Variants in KDM4C observed in about 807,000 individuals in gnomAD.
The protein encoded by KDM4C is lysine demethylase 4C, also known as lysine-specific demethylase 4C.
Under a neutral mutation model 129.3 loss-of-function variants are expected in KDM4C, and 81 were observed. That is an observed-to-expected ratio of 0.63 (90% CI 0.52 to 0.75). The LOEUF (loss-of-function observed/expected upper bound fraction) is 0.75. KDM4C is among the 30% of genes least tolerant of loss of function. The probability of loss-of-function intolerance (pLI) is 0.00; values close to 1 mark genes in which losing one functional copy is unlikely to be tolerated. For synonymous variants in KDM4C, 573 were observed against 456.1 expected (o/e 1.26, Z -3.26); for missense variants, 1,457 against 1,304.0 (o/e 1.12, Z -1.81).
chr9:7,120,186 A>G (rs776853454), intron 18 of KDM4C, among the ~76,000 whole-genome samples: 20 of 152,032 alleles, frequency 1.3e-4, no homozygotes, highest in South Asian at 4.1e-4. Flanking sequence ...GATTTTCTCA[A>G]TGCTAACTTT....
intron 17 of KDM4C, among the ~76,000 whole-genome samples, chr9:7,065,136 A>G (rs542690766): frequency 6.6e-6 from 1 of 152,312 alleles, no homozygotes; most frequent in South Asian, 2.1e-4. Context: ...TAAGAACTAC[A>G]CAGAATTTTG....
intron 5 of KDM4C, among the ~76,000 whole-genome samples, chr9:6,873,919 AGAGAGAGAGAGTGAGAGAGAGC>A (rs560929823): frequency 0.028 from 4,114 of 145,086 alleles, 85 homozygotes; most frequent in African/African-American, 0.052. Flanking sequence ...AGAGAGCGAG[AGAGAGAGAGAGTGAGAGAGAGC>A]GAGAGAGAGA....
At chr9:6,782,300 G>A (rs1453409924) in intron 1 of KDM4C, among the ~76,000 whole-genome samples, 1 of 152,180 alleles carries the variant, frequency 6.6e-6, no homozygotes, top group African/African-American at 2.4e-5. Flanking sequence ...TGAAAGATGA[G>A]TTTTGCCAGA....
At chr9:7,159,567 A>G (rs1039587843) in intron 19 of KDM4C, among the ~76,000 whole-genome samples, 4 of 152,104 alleles carry the variant, frequency 2.6e-5, no homozygotes, top group Non-Finnish European at 5.9e-5. Flanking sequence ...TCTGTAAAGG[A>G]TTTTATTTCT....
chr9:6,835,209 GC>G (rs1329259650), intron 4 of KDM4C: 1 of 918,298 alleles, frequency 1.1e-6, no homozygotes, highest in East Asian at 2.4e-5. Context: ...TCGGCAACGA[GC>G]AGTTCTGCTG....
chr9:6,790,654 CAAAAAAA>C (rs1186296239), intron 1 of KDM4C, among the ~76,000 whole-genome samples: 1,146 of 65,262 alleles, frequency 0.018, 11 homozygotes, highest in Middle Eastern at 0.03. Context: ...TTAAATTCAG[CAAAAAAA>C]AAAAAAAAAA....
chr9:7,106,704 A>C (rs1837731621), intron 18 of KDM4C, among the ~76,000 whole-genome samples: 1 of 152,188 alleles, frequency 6.6e-6, no homozygotes, highest in Non-Finnish European at 1.5e-5. Context: ...TATGTTGTAC[A>C]GGCTGGTCTC....
At chr9:6,906,025 C>T (rs937499385) in intron 8 of KDM4C, among the ~76,000 whole-genome samples, 3 of 151,958 alleles carry the variant, frequency 2.0e-5, no homozygotes, top group Admixed American at 6.5e-5. Context: ...GAGTAAGTGA[C>T]GCATAGCTAC....
intron 1 of KDM4C, among the ~76,000 whole-genome samples, chr9:6,771,858 A>G (rs1821913219): frequency 6.6e-6 from 1 of 151,982 alleles, no homozygotes; most frequent in Non-Finnish European, 1.5e-5. Flanking sequence ...CCTGCATGGT[A>G]GTTGCCAGGA....
rs749924380 is a variant in KDM4C, at chr9:7,174,740, T to C, written c.*11T>C. On this transcript the variant is annotated 3_prime_UTR_variant, in exon 22 of 22. Coordinates refer to ENST00000381309, the MANE Select transcript of KDM4C (RefSeq NM_015061.6). ...CAGAAGAGACAGTAGTCTGCATACA[T>C]CGCTGCAGGCCACAGAGCAGCTTGG... 3.1e-6 allele frequency: 5 copies of C among 1,611,792 alleles called. No homozygotes were observed. Among genetic ancestry groups the C allele is most frequent in the Non-Finnish European group, 4.2e-6 (5 of 1,178,174 alleles).
intron 5 of KDM4C, among the ~76,000 whole-genome samples, chr9:6,864,738 A>G (rs1054595671): frequency 1.3e-5 from 2 of 151,604 alleles, no homozygotes; most frequent in Non-Finnish European, 1.5e-5. Flanking sequence ...GCTCTTGCTC[A>G]GTTCCCCCTT....
chr9:7,117,357 A>G (rs1350346916), intron 18 of KDM4C, among the ~76,000 whole-genome samples: 1 of 152,100 alleles, frequency 6.6e-6, no homozygotes, highest in Non-Finnish European at 1.5e-5. Context: ...TAACCCATTC[A>G]CCAACTGTAA....
Position 6,790,564 on chromosome 9 carries a change from G to T in KDM4C, c.-17-2408G>T, listed in dbSNP as rs1008448293. On this transcript the variant is annotated intron_variant, in intron 1 of 21. Coordinates refer to ENST00000381309, the MANE Select transcript of KDM4C (RefSeq NM_015061.6). ...CCCTAGCCCTGGCCAGCCCTGCTCT[G>T]TTTTAACCTGTTACTATCTCATGAC... is the stretch of plus-strand genomic sequence containing the variant. Among the ~76,000 whole-genome samples, 3 of 132,084 alleles carry T rather than the reference G, an allele frequency of 2.3e-5. No individual in the cohort carries two copies. The East Asian group carries it at 7.3e-4, about 32-fold the overall frequency. The allele number at this position is 132,084 out of a possible 152,430, so 86.7% of individuals were successfully genotyped here.
chr9:6,933,125 T>G (rs1053973126), intron 8 of KDM4C, among the ~76,000 whole-genome samples: 23 of 152,236 alleles, frequency 1.5e-4, no homozygotes, highest in African/African-American at 5.1e-4. Flanking sequence ...ATACTATATT[T>G]AAATGACACA....
chr9:7,170,149 A>G (rs1013943807), intron 21 of KDM4C: 331 of 1,348,776 alleles, frequency 2.5e-4, no homozygotes, highest in East Asian at 3.6e-4. Context: ...TTGGTGCACA[A>G]AAATACTTAC....
At position 6,840,999 on chromosome 9, in the gene KDM4C, G is replaced by C. The variant is rs192073870; in HGVS notation, c.436-8508G>C. On this transcript the variant is annotated intron_variant, in intron 4 of 21. Transcript: ENST00000381309. Reference sequence around the variant, plus strand: ...ACTTGGTGATGGCATTTTTGTGGTGGAAGAAAGACTGTAGTCCTGCCCATC... The same window carrying C: ...ACTTGGTGATGGCATTTTTGTGGTGCAAGAAAGACTGTAGTCCTGCCCATC... 2.2e-4 allele frequency among the ~76,000 whole-genome samples: 34 copies of C among 152,294 alleles called. No homozygotes were observed. In the East Asian group the frequency reaches 6.6e-3, roughly 29 times the overall value.
intron 15 of KDM4C, among the ~76,000 whole-genome samples, chr9:7,032,745 G>A (rs1487361693): frequency 6.6e-6 from 1 of 152,146 alleles, no homozygotes. Context: ...CCTCTGCTCA[G>A]CTTTTGTTTT....
At chr9:6,896,416 A>G in intron 8 of KDM4C, among the ~76,000 whole-genome samples, 1 of 152,082 alleles carries the variant, frequency 6.6e-6, no homozygotes, top group South Asian at 2.1e-4. Flanking sequence ...AAAATAGTGC[A>G]GAGTGTGGGG....
intron 15 of KDM4C, among the ~76,000 whole-genome samples, chr9:7,016,842 C>T (rs1490263989): frequency 2.6e-5 from 4 of 152,130 alleles, no homozygotes; most frequent in African/African-American, 9.7e-5. Context: ...TCTTGTCCAT[C>T]CCTATTTTGC....
Sources: gnomAD v4.1 joint callset for allele counts (sites outside exome capture counted in the v4.1 genomes callset) on GRCh38, gnomAD v4.1.1 for gene constraint, MANE v1.5 for transcripts, NCBI Gene and HGNC (gene_info 2026-07-23, HGNC 2026-07-21) for gene names.